SEC31A: variants seen among roughly 807,000 people sequenced by gnomAD.
The protein encoded by SEC31A is SEC31 homolog A, COPII component, also known as protein transport protein Sec31A.
A neutral mutation model predicts 151.0 loss-of-function variants in SEC31A; 70 were observed. The observed-to-expected ratio is 0.46, with a 90% CI of 0.38 to 0.57. The LOEUF (loss-of-function observed/expected upper bound fraction) is 0.57. Ranked by LOEUF, SEC31A falls within the 20% of genes least tolerant of loss-of-function variation. The pLI is 0.00. For missense variants in SEC31A, 1,330 were observed against 1,471.2 expected (o/e 0.90, Z 1.57); for synonymous variants, 475 against 505.9 (o/e 0.94, Z 0.82).
intron 6 of SEC31A, among the ~76,000 whole-genome samples, chr4:82,873,137 G>A (rs1737124587): frequency 6.6e-6 from 1 of 152,102 alleles, no homozygotes; most frequent in African/African-American, 2.4e-5. Context: ...AAGGCGGGTG[G>A]ATCATGAGGT....
intron 8 of SEC31A, 86 bp downstream of exon 8, chr4:82,870,239 A>G (rs1027897873): frequency 3.0e-5 from 30 of 1,005,802 alleles, no homozygotes; most frequent in East Asian, 4.8e-5. Context: ...GTAATCCACT[A>G]AAGAATCCAC....
chr4:82,874,708 T>A lies in SEC31A; in HGVS notation c.542A>T (p.Gln181Leu), dbSNP rs1300759322. Residue 181 changes from glutamine (Q) to leucine (L), a missense_variant, in exon 6 of 27, where the codon CAG (glutamine) becomes CTG (leucine). Coordinates refer to ENST00000395310, the MANE Select transcript of SEC31A (RefSeq NM_001077207.4). ...GGGACTGGCTGATGCTAAAATATGC[T>A]GAACTTGTCTGTTCCATGCAATGCA... ...ISCIAWNRQV[Q>L]HILASASPSG... 1 of 1,613,156 alleles carries A rather than the reference T, an allele frequency of 6.2e-7. No individual in the cohort carries two copies. Among genetic ancestry groups the A allele is most frequent in the Non-Finnish European group, 8.5e-7 (1 of 1,179,850 alleles).
At chr4:82,880,715 A>G in intron 3 of SEC31A, 84 bp downstream of exon 3, 1 of 1,189,820 alleles carries the variant, frequency 8.4e-7, no homozygotes, top group Non-Finnish European at 1.2e-6. Flanking sequence ...GTAGTTTCTA[A>G]TAATGGCATA....
chr4:82,872,389 A>G (rs1162435769), intron 6 of SEC31A, among the ~76,000 whole-genome samples: 2 of 152,092 alleles, frequency 1.3e-5, no homozygotes, highest in Non-Finnish European at 1.5e-5. Flanking sequence ...AGGTTTTACC[A>G]TGTTGGCCAG....
At chr4:82,835,579 T>A (rs1336343495) in intron 22 of SEC31A, among the ~76,000 whole-genome samples, 2 of 152,146 alleles carry the variant, frequency 1.3e-5, no homozygotes, top group East Asian at 3.9e-4. Context: ...ATGGATCACC[T>A]GAGGTCAGGA....
At chr4:82,846,249 C>G (rs896979008) in intron 20 of SEC31A, among the ~76,000 whole-genome samples, 1 of 151,632 alleles carries the variant, frequency 6.6e-6, no homozygotes, top group Non-Finnish European at 1.5e-5. Context: ...GTGATCCGCC[C>G]GCCTCAGCCT....
chr4:82,835,811 T>C (rs1477719648), intron 22 of SEC31A, among the ~76,000 whole-genome samples: 1 of 151,866 alleles, frequency 6.6e-6, no homozygotes, highest in African/African-American at 2.4e-5. Context: ...AAGTAAGATG[T>C]AAAATTATGT....
At chr4:82,873,003 G>T (rs538009545) in intron 6 of SEC31A, among the ~76,000 whole-genome samples, 7 of 152,098 alleles carry the variant, frequency 4.6e-5, no homozygotes, top group Non-Finnish European at 8.8e-5. Flanking sequence ...GGCCAGTAGA[G>T]AAAACATTTT....
upstream of SEC31A, chr4:82,894,275 TTG>T (rs143611480): frequency 0.45 from 67,632 of 150,968 alleles, 17,928 homozygotes; most frequent in Admixed American, 0.59. Flanking sequence ...AACCACTGCT[TTG>T]TGTTTTGTCT....
chr4:82,854,219 C>T (rs919755216), intron 17 of SEC31A, among the ~76,000 whole-genome samples: 2 of 152,060 alleles, frequency 1.3e-5, no homozygotes, highest in African/African-American at 4.8e-5. Flanking sequence ...CAAAACTAGC[C>T]AGGCATGGTG....
In SEC31A at chr4:82,874,728, A is replaced by G; in HGVS notation, c.522T>C (p.Ile174=). The G allele has an allele frequency of 1.2e-6, 2 of 1,609,290 alleles. No individual in the cohort carries two copies. The highest frequency in any genetic ancestry group is 4.5e-5 in the East Asian group (2 of 44,710). Residue 174 remains isoleucine (I), a synonymous_variant, in exon 6 of 27, where the codon ATT becomes ATC. Transcript: ENST00000395310. ...KTQPPEDISC[I]AWNRQVQHIL... is the part of the protein sequence containing the mutation. The stretch of plus-strand genomic sequence containing the variant: ...TATGCTGAACTTGTCTGTTCCATGC[A>G]ATGCAGCTGATATCTTCTGGCGGCT...
At chr4:82,839,373 ACTC>A (rs1359909144) in intron 22 of SEC31A, among the ~76,000 whole-genome samples, 1 of 151,048 alleles carries the variant, frequency 6.6e-6, no homozygotes, top group Non-Finnish European at 1.5e-5. Flanking sequence ...CTGGTCTTGA[ACTC>A]CTGACCTCAG....
chr4:82,867,225 T>A lies in SEC31A; in HGVS notation c.974A>T (p.Asp325Val). 1 of 1,614,014 alleles carries A rather than the reference T, an allele frequency of 6.2e-7. No individual in the cohort carries two copies. The highest frequency in any genetic ancestry group is 8.5e-7 in the Non-Finnish European group (1 of 1,179,894). The change falls in exon 9 of 27, where the codon GAT becomes GTT. Residue 325 changes from aspartate (D) to valine (V), a missense_variant. By Grantham distance (152) the Asp-to-Val change is radical. Transcript: ENST00000395310. ...GATAGAATAAACACTGATACGCCCA[T>A]CAAACGAAGCAGCTGATAAGACAGC... is the stretch of plus-strand genomic sequence containing the variant. ...NPAVLSAASF[D>V]GRISVYSIMG...
Position 82,828,914 on chromosome 4 carries a change from G to C in SEC31A, c.3027+86C>G, listed in dbSNP as rs1006580229. Reference sequence around the variant, plus strand: ...CACTCAGTAAGCTTCGCCTTTAAAAGGATCAGTGAAGTATAGTGTGTTCCA... The same window carrying C: ...CACTCAGTAAGCTTCGCCTTTAAAACGATCAGTGAAGTATAGTGTGTTCCA... On this transcript the variant is annotated intron_variant, in intron 23 of 26. Transcript: ENST00000395310. The C allele has an allele frequency of 1.0e-5, 10 of 998,342 alleles. No individual in the cohort carries two copies. In the African/African-American group the frequency reaches 1.3e-4, roughly 13 times the overall value. The allele number at this position is 998,342 out of a possible 1,614,324, so 61.8% of individuals were successfully genotyped here.
At chr4:82,840,175 C>T (rs1728410898) in intron 22 of SEC31A, among the ~76,000 whole-genome samples, 1 of 152,148 alleles carries the variant, frequency 6.6e-6, no homozygotes, top group Non-Finnish European at 1.5e-5. Context: ...ATTATTACTA[C>T]TTCTCAAGGT....
In SEC31A at chr4:82,838,581, T is replaced by C. The variant is rs545708013; in HGVS notation, c.2968+3559A>G. Reference sequence around the variant, plus strand: ...CCACTTTGACTGCACCACTCAGCAGTTCAAAATCCTTCATGAGAAACTTCT... The same window carrying C: ...CCACTTTGACTGCACCACTCAGCAGCTCAAAATCCTTCATGAGAAACTTCT... On this transcript the variant is annotated intron_variant, in intron 22 of 26. Transcript: ENST00000395310. Among the ~76,000 whole-genome samples, 3 of 152,320 alleles carry C rather than the reference T, an allele frequency of 2.0e-5. 1 individual carries two copies. The South Asian group carries it at 6.2e-4, about 32-fold the overall frequency.
At chr4:82,869,332 G>C (rs533268698) in intron 8 of SEC31A, among the ~76,000 whole-genome samples, 2 of 148,768 alleles carry the variant, frequency 1.3e-5, no homozygotes, top group African/African-American at 5.0e-5. Context: ...GGGTTTCATC[G>C]TGTTAGCCAG....
At chr4:82,888,702 A>C (rs1056033224) in intron 1 of SEC31A, among the ~76,000 whole-genome samples, 1 of 152,100 alleles carries the variant, frequency 6.6e-6, no homozygotes, top group Admixed American at 6.6e-5. Context: ...AAAAAATAAA[A>C]AAAAAAAAAA....
rs149656186 is a variant in SEC31A at position 82,839,959 on chromosome 4, A to G, written c.2968+2181T>C. Among the ~76,000 whole-genome samples, 103 of 152,024 alleles carry G rather than the reference A, an allele frequency of 6.8e-4. 4 individuals are homozygous for G. The East Asian group carries it at 0.018, about 26-fold the overall frequency. ...TTATAAAGTAACAAATGCCTCAAAC[A>G]GTGTTGCTGGATGATTTTTGAAATT... is the stretch of plus-strand genomic sequence containing the variant. On this transcript the variant is annotated intron_variant, in intron 22 of 26. Coordinates refer to ENST00000395310, the MANE Select transcript of SEC31A (RefSeq NM_001077207.4).
Sources: gnomAD v4.1 joint callset for allele counts (sites outside exome capture counted in the v4.1 genomes callset) on GRCh38, gnomAD v4.1.1 for gene constraint, MANE v1.5 for transcripts, NCBI Gene and HGNC (gene_info 2026-07-23, HGNC 2026-07-21) for gene names.